PCBP3: variants seen among roughly 807,000 people sequenced by gnomAD.
PCBP3 encodes the protein poly(rC) binding protein 3.
Under a neutral mutation model 52.7 loss-of-function variants are expected in PCBP3, and 25 were observed. That is an observed-to-expected ratio of 0.47 (90% CI 0.35 to 0.66). The LOEUF (loss-of-function observed/expected upper bound fraction) is 0.66, where lower values mean the gene tolerates loss of function less well. PCBP3 is among the 30% of genes least tolerant of loss of function. The probability of loss-of-function intolerance (pLI) is 0.01; values close to 1 mark genes in which losing one functional copy is unlikely to be tolerated. For missense variants in PCBP3, 391 were observed against 490.3 expected, an observed-to-expected ratio of 0.80 and a Z score of 1.91; for synonymous variants, 162 against 183.0, an observed-to-expected ratio of 0.89 and a Z score of 0.93.
At position 45,860,123 on chromosome 21, in the gene PCBP3, G is replaced by A. The variant is rs539754130; in HGVS notation, c.10+10028G>A. Among the ~76,000 whole-genome samples the A allele has an allele frequency of 2.6e-5, 4 of 152,224 alleles. No homozygotes were observed. In the South Asian group the frequency reaches 6.2e-4, roughly 24 times the overall value. On this transcript the variant is annotated intron_variant, in intron 5 of 17. Transcript: ENST00000681687. The stretch of plus-strand genomic sequence containing the variant: ...CTTCAGTGGGTAACCGAAGGCTCCA[G>A]CACGCAGCTTCAGAAAGACCAGAGC...
At chr21:45,696,149 C>A (rs568701622) in intron 2 of PCBP3, among the ~76,000 whole-genome samples, 1 of 143,100 alleles carries the variant, frequency 7.0e-6, no homozygotes, top group Non-Finnish European at 1.5e-5. Flanking sequence ...GACATACATA[C>A]GGAAAACATG....
chr21:45,939,541 G>A (rs2077228908), intron 16 of PCBP3, among the ~76,000 whole-genome samples: 1 of 152,262 alleles, frequency 6.6e-6, no homozygotes, highest in Non-Finnish European at 1.5e-5. Flanking sequence ...AGTGAGCTTT[G>A]CTGTGGCTTC....
chr21:45,851,406 G>A (rs951468072), intron 5 of PCBP3, among the ~76,000 whole-genome samples: 6 of 152,172 alleles, frequency 3.9e-5, no homozygotes, highest in Non-Finnish European at 7.3e-5. Flanking sequence ...CAGCTACTCG[G>A]GAGGCTGAGG....
Position 45,817,660 on chromosome 21 carries a change from C to T in PCBP3, c.-125-32301C>T, listed in dbSNP as rs545333091. Among the ~76,000 whole-genome samples, 9 of 152,294 alleles carry T rather than the reference C, an allele frequency of 5.9e-5. No individual in the cohort carries two copies. Among genetic ancestry groups the T allele is most frequent in the South Asian group, 2.1e-4 (1 of 4,824 alleles). On this transcript the variant is annotated intron_variant, in intron 4 of 17. Coordinates refer to ENST00000681687, the MANE Select transcript of PCBP3 (RefSeq NM_001384156.1). This position sits in a 1 kb window ranked among gnomAD's most constrained non-coding sequence, Gnocchi z 4.3. ...CGGCGAGGAGCTCAGCGTGTGTCTC[C>T]GCCGGGTGAAAGATCACAGTCCTGC... is the stretch of plus-strand genomic sequence containing the variant.
At chr21:45,929,749 C>T (rs911161663) in intron 13 of PCBP3, among the ~76,000 whole-genome samples, 168 bp from the exon 14 acceptor site, 1 of 152,260 alleles carries the variant, frequency 6.6e-6, no homozygotes, top group Non-Finnish European at 1.5e-5. Context: ...GCCTGGACTC[C>T]ATTGGCTTCC....
rs1002112204 is a variant in PCBP3 at position 45,928,518 on chromosome 21, A to G, written c.718-1399A>G. On this transcript the variant is annotated intron_variant, in intron 13 of 17. Transcript: ENST00000681687. The surrounding 1 kb of genome is among the most constrained non-coding windows in gnomAD (Gnocchi z 4.1). ...GCCAAGTTCAAACCCACCCAGGAGC[A>G]CACAGCTGGGAAGGCGCTGGGACCA... Among the ~76,000 whole-genome samples, 4 of 152,184 alleles carry G rather than the reference A, an allele frequency of 2.6e-5. No individual in the cohort carries two copies. The highest frequency in any genetic ancestry group is 4.4e-5 in the Non-Finnish European group (3 of 68,016).
rs373726245 is a variant in PCBP3 at position 45,860,185 on chromosome 21, G to A, written c.10+10090G>A. Among the ~76,000 whole-genome samples the A allele has an allele frequency of 3.0e-3, 455 of 152,312 alleles. 1 individual carries two copies. Among genetic ancestry groups the A allele is most frequent in the African/African-American group, 0.01 (419 of 41,550 alleles). ...GCCCTCTCCAGCCGACATCCGGGCT[G>A]TGGCCTCTGGGCTGCTTCTCCTTCC... is the stretch of plus-strand genomic sequence containing the variant. On this transcript the variant is annotated intron_variant, in intron 5 of 17. Transcript: ENST00000681687.
intron 4 of PCBP3, among the ~76,000 whole-genome samples, chr21:45,831,408 C>CAAAAAAAAAAA (rs59400163): frequency 1.2e-5 from 1 of 86,590 alleles, no homozygotes; most frequent in African/African-American, 4.2e-5. Flanking sequence ...GATGCTGTCT[C>CAAAAAAAAAAA]AAAAAAAAAA....
At chr21:45,680,794 G>C (rs1309415150) in intron 2 of PCBP3, among the ~76,000 whole-genome samples, 1 of 152,212 alleles carries the variant, frequency 6.6e-6, no homozygotes, top group Non-Finnish European at 1.5e-5. Context: ...ATTTTGCTGT[G>C]AAGTATGATG....
intron 3 of PCBP3, among the ~76,000 whole-genome samples, chr21:45,740,621 AGT>A (rs34229652): frequency 5.3e-4 from 79 of 150,476 alleles, no homozygotes; most frequent in African/African-American, 6.6e-4. Context: ...TGGTGTGTGT[AGT>A]GTGTGTGTGT....
intron 4 of PCBP3, among the ~76,000 whole-genome samples, chr21:45,785,323 C>T (rs1173051228): frequency 4.0e-5 from 6 of 151,594 alleles, no homozygotes; most frequent in African/African-American, 9.7e-5. Context: ...CCAGCCGCCC[C>T]GTCCGGGAGG....
chr21:45,663,160 C>T (rs940534665), intron 1 of PCBP3, among the ~76,000 whole-genome samples: 2 of 27,534 alleles, frequency 7.3e-5, no homozygotes, highest in African/African-American at 2.1e-4. Flanking sequence ...CGTAAGCTGT[C>T]TCCTCTCTCT....
At chr21:45,890,741 A>C (rs2095636444) in intron 5 of PCBP3, among the ~76,000 whole-genome samples, 1 of 151,974 alleles carries the variant, frequency 6.6e-6, no homozygotes, top group African/African-American at 2.4e-5. Flanking sequence ...GAAGGTAGAT[A>C]ATAGAACCTG....
chr21:45,765,464 C>T (rs2089219437), intron 4 of PCBP3, among the ~76,000 whole-genome samples: 1 of 152,208 alleles, frequency 6.6e-6, no homozygotes, highest in Admixed American at 6.5e-5. Context: ...TCAGTCACAC[C>T]AAGTCAGCAG....
At chr21:45,715,825 T>G (rs998230108) in intron 2 of PCBP3, among the ~76,000 whole-genome samples, 1 of 152,204 alleles carries the variant, frequency 6.6e-6, no homozygotes, top group African/African-American at 2.4e-5. Context: ...TCCCATTTTT[T>G]AAGTGAGTCA....
chr21:45,852,878 A>T (rs1045991390), intron 5 of PCBP3, among the ~76,000 whole-genome samples: 5 of 152,268 alleles, frequency 3.3e-5, no homozygotes, highest in African/African-American at 1.2e-4. Flanking sequence ...GCAATAGTAA[A>T]CTAATACAGT....
At position 45,686,703 on chromosome 21, in the gene PCBP3, A is replaced by G. The variant is rs571627378; in HGVS notation, c.-200+17751A>G. On this transcript the variant is annotated intron_variant, in intron 2 of 17. Coordinates refer to ENST00000681687, the MANE Select transcript of PCBP3 (RefSeq NM_001384156.1). The stretch of plus-strand genomic sequence containing the variant: ...CATGAACATAGTATAAGATAAATAG[A>G]AGATATATAAAAAAGAGTCAGATGG... Among the ~76,000 whole-genome samples, 19 of 152,360 alleles carry G rather than the reference A, an allele frequency of 1.2e-4. No individual in the cohort carries two copies. The South Asian group carries it at 3.9e-3, about 32-fold the overall frequency.
At chr21:45,733,276 G>T (rs924500841) in intron 2 of PCBP3, among the ~76,000 whole-genome samples, 2 of 152,086 alleles carry the variant, frequency 1.3e-5, no homozygotes, top group African/African-American at 4.8e-5. Flanking sequence ...ATTTATGATA[G>T]ATGTTTTATT....
At chr21:45,734,543 A>G (rs1222986243) in intron 2 of PCBP3, among the ~76,000 whole-genome samples, 1 of 152,096 alleles carries the variant, frequency 6.6e-6, no homozygotes, top group Non-Finnish European at 1.5e-5. Context: ...TGTCAGTTGC[A>G]TCTCTCCCCT....
Sources: allele counts gnomAD v4.1 joint callset (sites outside exome capture counted in the v4.1 genomes callset), GRCh38; gene constraint gnomAD v4.1.1; non-coding constraint Gnocchi (gnomAD v3.1); transcripts MANE v1.5; gene names NCBI Gene and HGNC (gene_info 2026-07-23, HGNC 2026-07-21).